The following CDC16 variants were observed in gnomAD, a reference collection of about 807,000 sequenced individuals.
The protein encoded by CDC16 is cell division cycle protein 16 homolog.
A neutral mutation model predicts 87.0 loss-of-function variants in CDC16; 34 were observed. The observed-to-expected ratio is 0.39, with a 90% CI of 0.30 to 0.52. The LOEUF (loss-of-function observed/expected upper bound fraction) is 0.52, where lower values mean the gene tolerates loss of function less well. Ranked by LOEUF, CDC16 falls within the 20% of genes least tolerant of loss-of-function variation. The pLI is 0.74. For missense variants in CDC16, 653 were observed against 751.9 expected (o/e 0.87, Z 1.54); for synonymous variants, 263 against 260.6 (o/e 1.01, Z -0.09).
rs17291229 is a variant in CDC16, at chr13:114,245,941, C to A, written c.848-59C>A. 930 of 872,878 alleles carry A rather than the reference C, an allele frequency of 1.1e-3. 4 individuals carry two copies. The African/African-American group carries it at 0.014, about 13-fold the overall frequency. The allele number at this position is 872,878 out of a possible 1,614,324, so 54.1% of individuals were successfully genotyped here. A position where few individuals can be genotyped will look rare whatever the true frequency, so the allele number is the denominator to read the frequency against. ...TGATTGTGAAGAGTTGTAATGAAAT[C>A]ATGTCTTAAATTACATGTGATACGA... On this transcript the variant is annotated intron_variant, in intron 9 of 17. Coordinates refer to ENST00000356221, the MANE Select transcript of CDC16 (RefSeq NM_001078645.3).
chr13:114,237,494 G>A (rs1048145184), intron 3 of CDC16, among the ~76,000 whole-genome samples: 7 of 152,008 alleles, frequency 4.6e-5, no homozygotes, highest in African/African-American at 1.2e-4. Context: ...GCCTCACTAT[G>A]TTGCCCAGGC....
At chr13:114,239,079 A>G (rs1566634231) in intron 4 of CDC16, 51 bp downstream of exon 4, 6 of 1,581,678 alleles carry the variant, frequency 3.8e-6, no homozygotes, top group Non-Finnish European at 5.1e-6. Context: ...AATGAGTGTT[A>G]TGCATCTCTT....
At chr13:114,271,059 C>G (rs1594710232) in intron 17 of CDC16, among the ~76,000 whole-genome samples, 1 of 150,896 alleles carries the variant, frequency 6.6e-6, no homozygotes, top group African/African-American at 2.4e-5. Context: ...GTAGCTGGGA[C>G]TACAGGCGCC....
intron 6 of CDC16, among the ~76,000 whole-genome samples, 189 bp from the exon 7 acceptor site, chr13:114,243,068 C>T (rs1218445806): frequency 6.6e-6 from 1 of 152,202 alleles, no homozygotes; most frequent in East Asian, 1.9e-4. Flanking sequence ...GTAGCCTCCA[C>T]CCACCAGATG....
At chr13:114,247,050 G>A (rs1332670526) in intron 11 of CDC16, 46 bp downstream of exon 11, 2 of 1,208,332 alleles carry the variant, frequency 1.7e-6, no homozygotes, top group Admixed American at 1.7e-5. Context: ...TAGAATTGAT[G>A]TCTTGCTCAT....
At chr13:114,267,406 C>T (rs1284165681) in intron 17 of CDC16, among the ~76,000 whole-genome samples, 2 of 152,002 alleles carry the variant, frequency 1.3e-5, no homozygotes, top group African/African-American at 4.8e-5. Flanking sequence ...GAGGCTGAGG[C>T]AGGAGAATCA....
At chr13:114,247,043 A>T in intron 11 of CDC16, 39 bp downstream of exon 11, 1 of 1,280,558 alleles carries the variant, frequency 7.8e-7, no homozygotes, top group Non-Finnish European at 1.1e-6. Flanking sequence ...TAACCTGTAG[A>T]ATTGATGTCT....
At position 114,239,444 on chromosome 13, in the gene CDC16, G is replaced by C. The variant is rs761272358; in HGVS notation, c.335G>C (p.Ser112Thr). The change falls in exon 5 of 18, where the codon AGT (serine) becomes ACT (threonine). Residue 112 changes from serine to threonine, a missense_variant. Transcript: ENST00000356221. The part of the protein sequence containing the change: ...RLFEKYLKDE[S>T]GFKDPSSDWE... ...TTTGAAAAATACTTGAAGGACGAAAGTGGCTTCAAAGATCCTTCCAGCGAC... is the reference window on the plus strand; with the variant it reads ...TTTGAAAAATACTTGAAGGACGAAACTGGCTTCAAAGATCCTTCCAGCGAC... 1 of 1,613,118 alleles carries C rather than the reference G, an allele frequency of 6.2e-7. No individual in the cohort carries two copies.
chr13:114,236,544 T>C (rs2081259003), intron 1 of CDC16, 101 bp from the exon 2 acceptor site: 1 of 923,374 alleles, frequency 1.1e-6, no homozygotes, highest in African/African-American at 1.7e-5. Flanking sequence ...TACATAGAAT[T>C]ATATTAATAT....
At chr13:114,264,168 T>G (rs1385592900) in intron 16 of CDC16, 3 of 152,236 alleles carry the variant, frequency 2.0e-5, no homozygotes, top group Admixed American at 6.5e-5. Flanking sequence ...AAGTTTGGAC[T>G]AAGCACATTT....
At chr13:114,249,544 T>A (rs183409403) in intron 11 of CDC16, among the ~76,000 whole-genome samples, 1 of 152,304 alleles carries the variant, frequency 6.6e-6, no homozygotes, top group Non-Finnish European at 1.5e-5. Flanking sequence ...TATCACCCCC[T>A]ATGTCTTCCA....
chr13:114,250,670 A>G lies in CDC16; in HGVS notation c.1093A>G (p.Lys365Glu), dbSNP rs1320887685. The G allele has an allele frequency of 2.5e-6, 4 of 1,613,882 alleles. No individual in the cohort carries two copies. The African/African-American group carries it at 4.0e-5, about 16-fold the overall frequency. The change falls in exon 12 of 18, where the codon AAA (lysine) becomes GAA (glutamate). Residue 365 changes from lysine to glutamate, a missense_variant. Lys to Glu is a moderately conservative substitution (Grantham distance 56). Transcript: ENST00000356221. ...AAYFTAAQLM[K>E]GCHLPMLYIG... ...TTACTTCACAGCAGCACAGCTGATG[A>G]AAGGGTACGGCAGAGCAAACTCATC...
At position 114,268,403 on chromosome 13, in the gene CDC16, T is replaced by C. The variant is rs190758214; in HGVS notation, c.1603+3163T>C. ...ACATGAAAGCATAGGTGTATTGAAGTGAAAGTATACTCCACAGAGTGAGAG... is the reference window on the plus strand; with the variant it reads ...ACATGAAAGCATAGGTGTATTGAAGCGAAAGTATACTCCACAGAGTGAGAG... On this transcript the variant is annotated intron_variant, in intron 17 of 17. Transcript: ENST00000356221. Among the ~76,000 whole-genome samples the C allele has an allele frequency of 1.6e-4, 24 of 152,156 alleles. No homozygotes were observed. The East Asian group carries it at 2.5e-3, about 16-fold the overall frequency.
intron 15 of CDC16, 54 bp downstream of exon 15, chr13:114,262,002 A>G: frequency 9.3e-7 from 1 of 1,070,522 alleles, no homozygotes; most frequent in Non-Finnish European, 1.4e-6. Flanking sequence ...AAGTTTACTT[A>G]ATTTTGAATA....
intron 16 of CDC16, chr13:114,264,940 G>T: frequency 2.1e-6 from 1 of 472,178 alleles, no homozygotes; most frequent in East Asian, 3.7e-5. Context: ...CTTTTTTGGG[G>T]TAGATTTCCA....
chr13:114,253,419 T>G (rs1480609773), intron 12 of CDC16, among the ~76,000 whole-genome samples: 1 of 152,148 alleles, frequency 6.6e-6, no homozygotes, highest in African/African-American at 2.4e-5. Flanking sequence ...CCGGGCGCAG[T>G]GGCTCACACC....
intron 17 of CDC16, among the ~76,000 whole-genome samples, chr13:114,270,914 CTTTTT>C (rs571053869): frequency 9.9e-6 from 1 of 101,140 alleles, no homozygotes; most frequent in Non-Finnish European, 1.9e-5. Context: ...AGAGATTTAC[CTTTTT>C]TTTTTTTTTT....
intron 6 of CDC16, 105 bp downstream of exon 6, chr13:114,242,385 T>A: frequency 1.1e-6 from 1 of 948,234 alleles, no homozygotes; most frequent in Non-Finnish European, 1.6e-6. Context: ...CATACAGGTT[T>A]AAATAGACCT....
intron 17 of CDC16, among the ~76,000 whole-genome samples, chr13:114,266,989 T>C (rs1419102389): frequency 6.6e-6 from 1 of 151,964 alleles, no homozygotes; most frequent in African/African-American, 2.4e-5. Flanking sequence ...AGCCACCATG[T>C]CTGGCCAATA....
Sources: allele counts gnomAD v4.1 joint callset (sites outside exome capture counted in the v4.1 genomes callset), GRCh38; gene constraint gnomAD v4.1.1; transcripts MANE v1.5; gene names NCBI Gene and HGNC (gene_info 2026-07-23, HGNC 2026-07-21).